The following HYLS1 variants were observed in gnomAD, a reference collection of about 807,000 sequenced individuals.
The protein encoded by HYLS1 is centriolar and ciliogenesis-associated protein HYLS1.
In HYLS1, 25 loss-of-function variants were observed where a neutral mutation model predicts 29.4. The observed-to-expected ratio is 0.85, with a 90% CI of 0.62 to 1.19. The LOEUF (loss-of-function observed/expected upper bound fraction) is 1.19. Among genes scored for constraint, HYLS1 ranks in the 50% most tolerant of loss-of-function variants. The pLI, the probability that HYLS1 is intolerant of heterozygous loss-of-function variation, is 0.00. For synonymous variants in HYLS1, 128 were observed against 126.7 expected (o/e 1.01, Z -0.07); for missense variants, 352 against 365.1 (o/e 0.96, Z 0.29).
chr11:125,888,515 C>T (rs904304451), intron 1 of HYLS1, among the ~76,000 whole-genome samples: 17 of 151,912 alleles, frequency 1.1e-4, no homozygotes, highest in South Asian at 4.2e-4. Flanking sequence ...ACGCCTGTTA[C>T]CCCAGCACTT....
intron 1 of HYLS1, among the ~76,000 whole-genome samples, chr11:125,889,879 T>A (rs1052807172): frequency 1.3e-5 from 2 of 152,236 alleles, no homozygotes; most frequent in Non-Finnish European, 2.9e-5. Flanking sequence ...CTTATCAATC[T>A]GAAATGATGT....
In HYLS1 at chr11:125,890,624, C is replaced by T. The variant is rs1336015042; in HGVS notation, c.-75-799C>T. On this transcript the variant is annotated intron_variant, in intron 1 of 2. Transcript: ENST00000425380. ...ATTGTAACTAGCTAACCCTAGGATGCTGAGTCACTAAGACTTTTGAAGAGA... is the reference window on the plus strand; with the variant it reads ...ATTGTAACTAGCTAACCCTAGGATGTTGAGTCACTAAGACTTTTGAAGAGA... Among the ~76,000 whole-genome samples the T allele has an allele frequency of 5.3e-5, 8 of 152,252 alleles. No individual in the cohort carries two copies. The East Asian group carries it at 1.2e-3, about 22-fold the overall frequency.
chr11:125,883,981 G>A (rs956997164), upstream of HYLS1: 1 of 152,234 alleles, frequency 6.6e-6, no homozygotes, highest in African/African-American at 2.4e-5. Context: ...CCTAATTGGG[G>A]AAAGCATAAG....
At position 125,900,308 on chromosome 11, in the gene HYLS1, C is replaced by G. The variant is rs1168907123; in HGVS notation, c.*40C>G. On this transcript the variant is annotated 3_prime_UTR_variant, in exon 3 of 3. Coordinates refer to ENST00000425380, the MANE Select transcript of HYLS1 (RefSeq NM_001134793.2). ...CTTTCACAGGATTGTTTGAGATAAC[C>G]TAGCTCTTTATATCTTCCCTTTTAA... 6.3e-7 allele frequency: 1 copy of G among 1,585,088 alleles called. No individual in the cohort carries two copies. The highest frequency in any genetic ancestry group is 1.1e-5 in the South Asian group (1 of 89,992).
In HYLS1 at chr11:125,899,987, C is replaced by T. The variant is rs770558706; in HGVS notation, c.619C>T (p.Arg207Trp). 3.1e-6 allele frequency: 5 copies of T among 1,614,054 alleles called. No individual in the cohort carries two copies. Among genetic ancestry groups the T allele is most frequent in the Admixed American group, 1.7e-5 (1 of 59,996 alleles). Residue 207 changes from arginine to tryptophan, a missense_variant, in exon 3 of 3, where the codon CGG becomes TGG. Coordinates refer to ENST00000425380, the MANE Select transcript of HYLS1 (RefSeq NM_001134793.2). ...AAAGCTGGACCAGTTAAGCCGAAAC[C>T]GGGGCAAGACAGACCGGGTAGCCCG... is the stretch of plus-strand genomic sequence containing the variant. ...LPKLDQLSRN[R>W]GKTDRVARYF... is the part of the protein sequence containing the mutation.
chr11:125,896,306 AACGAACCATAC>A lies in HYLS1; in HGVS notation c.-25-3036_-25-3026del, dbSNP rs1469266523. On this transcript the variant is annotated intron_variant, in intron 2 of 2. Coordinates refer to ENST00000425380, the MANE Select transcript of HYLS1 (RefSeq NM_001134793.2). ...CCATGATATGACAACCCCAGGAATA[AACGAACCATAC>A]AGGTCTGCCCTGTCTGAAAAGAGAG... The A allele has an allele frequency of 3.8e-6, 6 of 1,585,272 alleles. No homozygotes were observed. In the South Asian group the frequency reaches 5.6e-5, roughly 15 times the overall value.
In HYLS1 at chr11:125,899,403, CTAA is replaced by C. The variant is rs775004011; in HGVS notation, c.38_40del (p.Asn13del). ...CTTCTACCTGATGGACAAATATGGG[CTAA>C]TATGGATCCAGAAGAACGAATGTTG... On this transcript the variant is annotated inframe_deletion, in exon 3 of 3. Coordinates refer to ENST00000425380, the MANE Select transcript of HYLS1 (RefSeq NM_001134793.2). The C allele has an allele frequency of 2.5e-6, 4 of 1,614,076 alleles. No individual in the cohort carries two copies. The highest frequency in any genetic ancestry group is 3.4e-6 in the Non-Finnish European group (4 of 1,179,980).
At chr11:125,895,765 G>A in intron 2 of HYLS1, 1 of 1,603,734 alleles carries the variant, frequency 6.2e-7, no homozygotes, top group Non-Finnish European at 8.5e-7. Context: ...CTTGGAAACT[G>A]AGAGCGAAGG....
At chr11:125,888,068 C>G (rs1032711889) in intron 1 of HYLS1, 1 of 152,284 alleles carries the variant, frequency 6.6e-6, no homozygotes, top group African/African-American at 2.4e-5. Flanking sequence ...CTGGGCCGCG[C>G]CCCTGGGACC....
At chr11:125,895,756 T>C in intron 2 of HYLS1, 2 of 1,607,042 alleles carry the variant, frequency 1.2e-6, no homozygotes, top group Non-Finnish European at 1.7e-6. Flanking sequence ...TCCCTGCCCC[T>C]TGGAAACTGA....
rs1239155651 is a variant in HYLS1 at position 125,900,581 on chromosome 11, G to A, written c.*313G>A. On this transcript the variant is annotated 3_prime_UTR_variant, in exon 3 of 3. Transcript: ENST00000425380. ...TTTACCTATCAATATGAGTTGCTGT[G>A]CTTCAGTGTGTGTTTTTTAAGTTGC... 11 of 352,484 alleles carry A rather than the reference G, an allele frequency of 3.1e-5. No individual in the cohort carries two copies. The East Asian group carries it at 7.5e-4, about 24-fold the overall frequency. The allele number at this position is 352,484 out of a possible 1,614,324, so 21.8% of individuals were successfully genotyped here.
chr11:125,897,633 A>G (rs765604209), intron 2 of HYLS1, among the ~76,000 whole-genome samples: 14 of 152,178 alleles, frequency 9.2e-5, no homozygotes, highest in South Asian at 2.1e-4. Flanking sequence ...TAAATGCTCA[A>G]TTTTACTCAG....
intron 2 of HYLS1, chr11:125,896,452 C>T: frequency 1.5e-6 from 1 of 668,194 alleles, no homozygotes; most frequent in Non-Finnish European, 2.5e-6. Flanking sequence ...GGAATACAAG[C>T]ATTAGCTTTA....
Position 125,900,373 on chromosome 11 carries a change from A to G in HYLS1, c.*105A>G, listed in dbSNP as rs1477378717. 1 of 1,093,326 alleles carries G rather than the reference A, an allele frequency of 9.1e-7. No homozygotes were observed. Among genetic ancestry groups the G allele is most frequent in the Non-Finnish European group, 1.4e-6 (1 of 726,554 alleles). 67.7% of individuals were successfully genotyped at this position (1,093,326 alleles called of 1,614,324 possible). ...CTTGAGAAGCTCTTCGAAACATTTT[A>G]TGGTAAGGACTTCACCTATCATTGG... On this transcript the variant is annotated 3_prime_UTR_variant, in exon 3 of 3. Coordinates refer to ENST00000425380, the MANE Select transcript of HYLS1 (RefSeq NM_001134793.2).
At chr11:125,893,735 C>CTTTTT in intron 2 of HYLS1, 1 of 1,105,622 alleles carries the variant, frequency 9.0e-7, no homozygotes, top group Non-Finnish European at 1.2e-6. Context: ...TTTTCCTTTT[C>CTTTTT]TGTCCACCTA....
chr11:125,899,836 A>G lies in HYLS1; in HGVS notation c.468A>G (p.Leu156=), dbSNP rs138284572. ...TTGATGTTTCACAAAAATTTAACCT[A>G]CCACATGAATACCAAGGAATTTCTC... The part of the protein sequence containing the change: ...SSFDVSQKFN[L]PHEYQGISQD... The change falls in exon 3 of 3, where the codon CTA becomes CTG. Residue 156 remains leucine (L), a synonymous_variant. Coordinates refer to ENST00000425380, the MANE Select transcript of HYLS1 (RefSeq NM_001134793.2). 1.8e-3 allele frequency: 2,963 copies of G among 1,614,210 alleles called. 11 individuals are homozygous for G. In the Middle Eastern group the frequency reaches 0.024, roughly 13 times the overall value.
chr11:125,891,444 A>G lies in HYLS1; in HGVS notation c.-54A>G, dbSNP rs1352386667. ...CTAGGTTTTTTTTTTACTTGAATGT[A>G]AATACCAATCAAGATACATTGAAAT... On this transcript the variant is annotated 5_prime_UTR_variant, in exon 2 of 3. The change abolishes the stop of an existing upstream ORF in the 5' untranslated region. Transcript: ENST00000425380. 1.3e-5 allele frequency: 2 copies of G among 148,574 alleles called. No individual in the cohort carries two copies. The highest frequency in any genetic ancestry group is 6.7e-5 in the Admixed American group (1 of 14,876). The allele number at this position is 148,574 out of a possible 1,614,324, so 9.2% of individuals were successfully genotyped here.
chr11:125,897,187 G>T (rs573585538), intron 2 of HYLS1, among the ~76,000 whole-genome samples: 1 of 152,226 alleles, frequency 6.6e-6, no homozygotes, highest in Admixed American at 6.5e-5. Flanking sequence ...CTGTTCTAAG[G>T]CCATGTTATC....
At chr11:125,897,505 C>A (rs1291615797) in intron 2 of HYLS1, among the ~76,000 whole-genome samples, 2 of 112,518 alleles carry the variant, frequency 1.8e-5, no homozygotes, top group Non-Finnish European at 1.8e-5. Flanking sequence ...ATATATACAT[C>A]AGTTTTAATG....
Sources: allele counts gnomAD v4.1 joint callset (sites outside exome capture counted in the v4.1 genomes callset), GRCh38; gene constraint gnomAD v4.1.1; transcripts MANE v1.5; gene names NCBI Gene and HGNC (gene_info 2026-07-23, HGNC 2026-07-21).